Variants in MOB3B observed in about 807,000 individuals in gnomAD.
MOB3B encodes the protein MOB kinase activator-like 2B.
MOB3B carries 7 observed loss-of-function variants against 18.7 expected under a neutral mutation model. The ratio of observed to expected loss-of-function variants is 0.37; its 90% CI spans 0.21 to 0.70. MOB3B has a LOEUF of 0.70. MOB3B is among the 30% of genes least tolerant of loss of function. The probability of loss-of-function intolerance (pLI) is 0.52; values close to 1 mark genes in which losing one functional copy is unlikely to be tolerated. For synonymous variants in MOB3B, 111 were observed against 99.9 expected, an observed-to-expected ratio of 1.11 and a Z score of -0.66; for missense variants, 253 against 281.3, an observed-to-expected ratio of 0.90 and a Z score of 0.72.
intron 2 of MOB3B, chr9:27,378,217 C>CACAATGAGTAGAAGAGTCTTTGCTT (rs1821519666): frequency 8.0e-6 from 3 of 376,806 alleles, no homozygotes; most frequent in African/African-American, 4.2e-5. Flanking sequence ...TTCTGACCTA[C>CACAATGAGTAGAAGAGTCTTTGCTT]ACAATGAGTA....
chr9:27,347,616 G>A (rs918991125), intron 3 of MOB3B, among the ~76,000 whole-genome samples: 11 of 152,180 alleles, frequency 7.2e-5, no homozygotes, highest in Non-Finnish European at 1.6e-4. Context: ...GATGGATTCT[G>A]GGAGAAGGTA....
chr9:27,466,165 C>A (rs1413025293), intron 1 of MOB3B, among the ~76,000 whole-genome samples: 1 of 152,298 alleles, frequency 6.6e-6, no homozygotes, highest in East Asian at 1.9e-4. Flanking sequence ...CCCAAGTTAC[C>A]TTCTGAAAGC....
At chr9:27,369,890 C>T (rs558230753) in intron 2 of MOB3B, among the ~76,000 whole-genome samples, 6 of 152,056 alleles carry the variant, frequency 3.9e-5, no homozygotes, top group Non-Finnish European at 5.9e-5. Context: ...TCATAACACC[C>T]GCTGCTTCTT....
chr9:27,492,977 G>A (rs1180625794), intron 1 of MOB3B, among the ~76,000 whole-genome samples: 1 of 152,286 alleles, frequency 6.6e-6, no homozygotes, highest in East Asian at 1.9e-4. Flanking sequence ...GCTGTAGAAG[G>A]AAATGAGTAA....
intron 1 of MOB3B, among the ~76,000 whole-genome samples, chr9:27,503,264 A>G (rs1194507561): frequency 2.6e-5 from 4 of 152,232 alleles, no homozygotes. Flanking sequence ...ATTTCACTAG[A>G]GGAAAAATTG....
chr9:27,444,060 C>T (rs1169092517), intron 2 of MOB3B, among the ~76,000 whole-genome samples: 1 of 151,756 alleles, frequency 6.6e-6, no homozygotes, highest in Non-Finnish European at 1.5e-5. Flanking sequence ...ATGTTCTGCA[C>T]CTCCTGTGAC....
intron 3 of MOB3B, among the ~76,000 whole-genome samples, chr9:27,331,371 C>A (rs1034751080): frequency 1.3e-5 from 2 of 152,180 alleles, no homozygotes; most frequent in Admixed American, 6.5e-5. Context: ...TGCTGGGAGA[C>A]CTTCCCGCAC....
At chr9:27,363,689 C>G (rs1025798789) in intron 2 of MOB3B, among the ~76,000 whole-genome samples, 5 of 152,088 alleles carry the variant, frequency 3.3e-5, no homozygotes, top group Non-Finnish European at 1.5e-5. Context: ...CTTCAGCATC[C>G]TATAGGTTCT....
At chr9:27,475,596 GA>G (rs1819541923) in intron 1 of MOB3B, among the ~76,000 whole-genome samples, 1 of 152,164 alleles carries the variant, frequency 6.6e-6, no homozygotes, top group African/African-American at 2.4e-5. Context: ...GTATTGATAT[GA>G]AAAGAAGTTC....
chr9:27,418,091 C>CAAAAAAAAAAA (rs57850999), intron 2 of MOB3B, among the ~76,000 whole-genome samples: 10 of 44,084 alleles, frequency 2.3e-4, no homozygotes, highest in African/African-American at 4.8e-4. Flanking sequence ...GACTCCACCT[C>CAAAAAAAAAAA]AAAAAAAAAA....
chr9:27,342,127 C>T (rs1400041717), intron 3 of MOB3B, among the ~76,000 whole-genome samples: 2 of 152,168 alleles, frequency 1.3e-5, no homozygotes, highest in South Asian at 2.1e-4. Context: ...AGCTGAGCGA[C>T]TGGGACAGAG....
At chr9:27,364,712 G>A (rs2131361136) in intron 2 of MOB3B, among the ~76,000 whole-genome samples, 1 of 152,266 alleles carries the variant, frequency 6.6e-6, no homozygotes, top group Non-Finnish European at 1.5e-5. Flanking sequence ...TGTAGCTTAG[G>A]GTGTTGTGCA....
chr9:27,399,762 T>C (rs1179030994), intron 2 of MOB3B, among the ~76,000 whole-genome samples: 1 of 152,152 alleles, frequency 6.6e-6, no homozygotes, highest in African/African-American at 2.4e-5. Flanking sequence ...AGAGATCTTC[T>C]CTATCTTGAA....
chr9:27,491,804 C>T (rs564844789), intron 1 of MOB3B, among the ~76,000 whole-genome samples: 2 of 152,098 alleles, frequency 1.3e-5, no homozygotes, highest in South Asian at 2.1e-4. Flanking sequence ...ACCAGGAAGG[C>T]GGAGCTTGCA....
chr9:27,358,902 C>T, intron 3 of MOB3B, 132 bp downstream of exon 3: 9 of 928,948 alleles, frequency 9.7e-6, no homozygotes, highest in Non-Finnish European at 1.6e-5. Flanking sequence ...CCACTAAACC[C>T]CATTCAATTC....
chr9:27,336,473 T>C (rs1042777371), intron 3 of MOB3B, among the ~76,000 whole-genome samples: 7 of 151,996 alleles, frequency 4.6e-5, no homozygotes, highest in Admixed American at 2.0e-4. Context: ...AAAAGCAGTA[T>C]GAAGAGATGT....
chr9:27,513,901 ATGGATGGATGGATGGATGGATGGATGG>A (rs1410469803), intron 1 of MOB3B, among the ~76,000 whole-genome samples: 5 of 1,110 alleles, frequency 4.5e-3, no homozygotes, highest in African/African-American at 7.3e-3. Flanking sequence ...GGATGGATGG[ATGGATGGATGGATGGATGGATGGATGG>A]TGGGTGGGTG....
At chr9:27,354,433 A>C (rs1365740047) in intron 3 of MOB3B, among the ~76,000 whole-genome samples, 1 of 152,194 alleles carries the variant, frequency 6.6e-6, no homozygotes, top group Non-Finnish European at 1.5e-5. Context: ...AGAATGACTA[A>C]GAGTTGAGGC....
chr9:27,370,364 C>G (rs995431380), intron 2 of MOB3B, among the ~76,000 whole-genome samples: 2 of 151,974 alleles, frequency 1.3e-5, no homozygotes, highest in African/African-American at 2.4e-5. Flanking sequence ...CAAAATTAGC[C>G]GGGCATGGTG....
Sources: gnomAD v4.1 joint callset for allele counts (sites outside exome capture counted in the v4.1 genomes callset) on GRCh38, gnomAD v4.1.1 for gene constraint, MANE v1.5 for transcripts, NCBI Gene and HGNC (gene_info 2026-07-23, HGNC 2026-07-21) for gene names.